SLC25A33: variants seen among roughly 807,000 people sequenced by gnomAD.
SLC25A33 encodes the protein bone marrow stromal cell mitochondrial carrier protein.
SLC25A33 carries 15 observed loss-of-function variants against 35.5 expected under a neutral mutation model. The observed-to-expected ratio is 0.42, with a 90% confidence interval of 0.28 to 0.65. SLC25A33 has a LOEUF of 0.65. SLC25A33 is among the 30% of genes least tolerant of loss of function. SLC25A33 has a pLI of 0.20. For synonymous variants in SLC25A33, 136 were observed against 148.7 expected (o/e 0.91, Z 0.62); for missense variants, 257 against 398.5 (o/e 0.64, Z 3.02).
At chr1:9,568,603 GCA>G (rs1467775541) in intron 3 of SLC25A33, among the ~76,000 whole-genome samples, 3 of 152,162 alleles carry the variant, frequency 2.0e-5, no homozygotes, top group African/African-American at 7.2e-5. Context: ...TGTAATCCCA[GCA>G]CTTTGGGAGG....
intron 2 of SLC25A33, among the ~76,000 whole-genome samples, chr1:9,559,357 A>G (rs1643388364): frequency 1.3e-5 from 2 of 152,184 alleles, no homozygotes; most frequent in African/African-American, 4.8e-5. Context: ...CATAGCAAGC[A>G]TTCCATACAA....
At chr1:9,548,066 G>T (rs985703735) in intron 1 of SLC25A33, among the ~76,000 whole-genome samples, 2 of 151,904 alleles carry the variant, frequency 1.3e-5, no homozygotes, top group Non-Finnish European at 2.9e-5. Flanking sequence ...GTAGAGATGG[G>T]TTTTCACCAT....
At chr1:9,548,465 C>G (rs1643212410) in intron 1 of SLC25A33, among the ~76,000 whole-genome samples, 1 of 151,972 alleles carries the variant, frequency 6.6e-6, no homozygotes. Context: ...GCCTGTAATC[C>G]CAGGAACTCA....
At chr1:9,553,833 A>G (rs751333489) in intron 2 of SLC25A33, 28 bp downstream of exon 2, 40 of 1,590,774 alleles carry the variant, frequency 2.5e-5, no homozygotes, top group Non-Finnish European at 2.7e-5. Context: ...TGCTCCTGCC[A>G]CCTGCACACC....
chr1:9,552,799 T>C (rs1025203826), intron 1 of SLC25A33, among the ~76,000 whole-genome samples: 5 of 151,734 alleles, frequency 3.3e-5, no homozygotes, highest in South Asian at 2.1e-4. Flanking sequence ...AAAAGGGCAC[T>C]CAGAATACCT....
intron 1 of SLC25A33, among the ~76,000 whole-genome samples, chr1:9,544,373 A>G (rs940121023): frequency 2.0e-5 from 3 of 151,552 alleles, no homozygotes; most frequent in Admixed American, 6.6e-5. Flanking sequence ...GGTTCAAGCA[A>G]TTCTCGTGCC....
intron 2 of SLC25A33, among the ~76,000 whole-genome samples, chr1:9,561,941 T>C (rs1643428418): frequency 1.3e-5 from 2 of 152,016 alleles, no homozygotes; most frequent in African/African-American, 4.8e-5. Flanking sequence ...AGAGCAATAC[T>C]GCTTGAACCC....
chr1:9,579,878 G>C (rs1299004143), intron 5 of SLC25A33, 76 bp from the exon 6 acceptor site: 2 of 1,498,484 alleles, frequency 1.3e-6, no homozygotes, highest in Non-Finnish European at 1.8e-6. Context: ...ACCCGTACCT[G>C]TTCTCCTACT....
At chr1:9,552,329 C>T (rs1347258198) in intron 1 of SLC25A33, among the ~76,000 whole-genome samples, 2 of 152,148 alleles carry the variant, frequency 1.3e-5, no homozygotes, top group African/African-American at 4.8e-5. Flanking sequence ...TATTCTCCTG[C>T]CTCAGCCTCC....
intron 1 of SLC25A33, among the ~76,000 whole-genome samples, chr1:9,546,827 A>G (rs1643178819): frequency 6.6e-6 from 1 of 152,120 alleles, no homozygotes; most frequent in Non-Finnish European, 1.5e-5. Context: ...CATCAGTGTC[A>G]CCAGGAGGGG....
chr1:9,557,638 G>T (rs1209058815), intron 2 of SLC25A33, among the ~76,000 whole-genome samples: 1 of 152,190 alleles, frequency 6.6e-6, no homozygotes, highest in Non-Finnish European at 1.5e-5. Context: ...ATGATATTCA[G>T]ATCTCTCAAA....
chr1:9,564,168 G>A (rs1643465884), intron 2 of SLC25A33, among the ~76,000 whole-genome samples: 1 of 150,820 alleles, frequency 6.6e-6, no homozygotes, highest in Non-Finnish European at 1.5e-5. Flanking sequence ...GTGAATAACT[G>A]TGTTGCTGCG....
At chr1:9,542,974 T>C (rs1439790906) in intron 1 of SLC25A33, among the ~76,000 whole-genome samples, 4 of 150,960 alleles carry the variant, frequency 2.6e-5, no homozygotes, top group East Asian at 3.9e-4. Flanking sequence ...TGTGCCACCA[T>C]GCCCGGCTAA....
At position 9,580,724 on chromosome 1, in the gene SLC25A33, C is replaced by G. The variant is rs372201669; in HGVS notation, c.763+490C>G. 1.1e-3 allele frequency among the ~76,000 whole-genome samples: 170 copies of G among 151,840 alleles called. 1 individual carries two copies. The highest frequency in any genetic ancestry group is 4.0e-3 in the African/African-American group (166 of 41,428). On this transcript the variant is annotated intron_variant, in intron 6 of 6. Coordinates refer to ENST00000302692, the MANE Select transcript of SLC25A33 (RefSeq NM_032315.3). ...TACAAAAATTAGCTGGGCGTGGTGG[C>G]GCACGCCTGTAGTCCCAGCTACTTG... is the stretch of plus-strand genomic sequence containing the variant.
At chr1:9,574,118 CTT>C (rs57215050) in intron 5 of SLC25A33, among the ~76,000 whole-genome samples, 8 of 134,322 alleles carry the variant, frequency 6.0e-5, no homozygotes, top group Non-Finnish European at 8.1e-5. Context: ...CTTTTCTTTT[CTT>C]TTTTTTTTTT....
intron 3 of SLC25A33, among the ~76,000 whole-genome samples, chr1:9,568,271 A>G (rs888512799): frequency 1.3e-5 from 2 of 151,616 alleles, no homozygotes; most frequent in African/African-American, 4.8e-5. Flanking sequence ...GCGAAACCCC[A>G]TCTCTACTAA....
intron 2 of SLC25A33, among the ~76,000 whole-genome samples, chr1:9,564,739 A>AAATATATATATATATATATAT (rs60174872): frequency 1.0e-5 from 1 of 96,584 alleles, no homozygotes; most frequent in African/African-American, 4.4e-5. Context: ...AAAAAAAAAA[A>AAATATATATATATATATATAT]ATATATATAT....
At position 9,584,176 on chromosome 1, in the gene SLC25A33, C is replaced by G. The variant is rs1445714607; in HGVS notation, c.*1675C>G. ...TTCAATTTGAACGTCTAGAAAGATA[C>G]TCATTTCTAATACCTATGCACTGTA... On this transcript the variant is annotated 3_prime_UTR_variant, in exon 7 of 7. Transcript: ENST00000302692. 2 of 152,174 alleles carry G rather than the reference C, an allele frequency of 1.3e-5. No individual in the cohort carries two copies. Among genetic ancestry groups the G allele is most frequent in the African/African-American group, 4.8e-5 (2 of 41,430 alleles). 9.4% of individuals were successfully genotyped at this position (152,174 alleles called of 1,614,324 possible). A position where few individuals can be genotyped will look rare whatever the true frequency, so the allele number is the denominator to read the frequency against.
rs1643775771 is a variant in SLC25A33 at position 9,583,898 on chromosome 1, G to A, written c.*1397G>A. ...TAGTCCCAGCTACTCGGGAGGCTGA[G>A]GCAGGAGAATGGCGTGAACCTGGGA... On this transcript the variant is annotated 3_prime_UTR_variant, in exon 7 of 7. Transcript: ENST00000302692. The A allele has an allele frequency of 6.6e-6, 1 of 151,802 alleles. No homozygotes were observed. The highest frequency in any genetic ancestry group is 1.5e-5 in the Non-Finnish European group (1 of 67,996). 9.4% of individuals were successfully genotyped at this position (151,802 alleles called of 1,614,324 possible). A position where few individuals can be genotyped will look rare whatever the true frequency, so the allele number is the denominator to read the frequency against.
Sources: gnomAD v4.1 joint callset for allele counts (sites outside exome capture counted in the v4.1 genomes callset) on GRCh38, gnomAD v4.1.1 for gene constraint, MANE v1.5 for transcripts, NCBI Gene and HGNC (gene_info 2026-07-23, HGNC 2026-07-21) for gene names.